Variants in SLC31A1 observed in about 807,000 individuals in gnomAD.
SLC31A1 encodes the protein high affinity copper uptake protein 1.
A neutral mutation model predicts 17.2 loss-of-function variants in SLC31A1; 5 were observed. That is an observed-to-expected ratio of 0.29 (90% CI 0.15 to 0.61). The LOEUF (loss-of-function observed/expected upper bound fraction) is 0.61. SLC31A1 is among the 20% of genes least tolerant of loss of function. SLC31A1 has a pLI of 0.86. For missense variants in SLC31A1, 161 were observed against 241.4 expected (o/e 0.67, Z 2.21); for synonymous variants, 76 against 78.8 (o/e 0.96, Z 0.19).
rs1831271988 is a variant in SLC31A1 at position 113,221,672 on chromosome 9, T to C, written c.-42T>C. ...GAGGTGCTAGTGGCTGGACTTGACC[T>C]GGAAAGGTAAGGCTTCTCTCGGCCC... On this transcript the variant is annotated 5_prime_UTR_variant, in exon 1 of 5. Coordinates refer to ENST00000374212, the MANE Select transcript of SLC31A1 (RefSeq NM_001859.4). 3.2e-6 allele frequency: 1 copy of C among 310,640 alleles called. No homozygotes were observed. Among genetic ancestry groups the C allele is most frequent in the Non-Finnish European group, 6.3e-6 (1 of 158,176 alleles). 19.2% of individuals were successfully genotyped at this position (310,640 alleles called of 1,614,324 possible). A position where few individuals can be genotyped will look rare whatever the true frequency, so the allele number is the denominator to read the frequency against.
At chr9:113,257,036 T>C (rs1411834005) in intron 2 of SLC31A1, 77 bp from the exon 3 acceptor site, 1 of 1,168,168 alleles carries the variant, frequency 8.6e-7, no homozygotes, top group Non-Finnish European at 1.3e-6. Context: ...CTTTTAAATG[T>C]TCTAAGCTTC....
At chr9:113,259,627 C>T (rs10981706) in intron 4 of SLC31A1, among the ~76,000 whole-genome samples, 6,167 of 147,578 alleles carry the variant, frequency 0.042, 176 homozygotes, top group Middle Eastern at 0.08. Flanking sequence ...CTCTATTGCC[C>T]AGGCTGAAGT....
At chr9:113,230,401 G>A (rs1831388938) in intron 1 of SLC31A1, among the ~76,000 whole-genome samples, 1 of 152,106 alleles carries the variant, frequency 6.6e-6, no homozygotes, top group Admixed American at 6.6e-5. Flanking sequence ...GAGACTACAG[G>A]CATGCATCTC....
chr9:113,255,328 T>G (rs1831707814), intron 1 of SLC31A1, among the ~76,000 whole-genome samples: 1 of 152,246 alleles, frequency 6.6e-6, no homozygotes, highest in Non-Finnish European at 1.5e-5. Flanking sequence ...TTGTATCTTA[T>G]TACAGATTGC....
At chr9:113,230,889 C>T (rs1831395222) in intron 1 of SLC31A1, among the ~76,000 whole-genome samples, 4 of 152,138 alleles carry the variant, frequency 2.6e-5, no homozygotes, top group Non-Finnish European at 4.4e-5. Context: ...CCCTCATTCT[C>T]TTTCTAGGTA....
intron 1 of SLC31A1, among the ~76,000 whole-genome samples, chr9:113,254,594 A>G (rs973572767): frequency 6.6e-6 from 1 of 151,930 alleles, no homozygotes; most frequent in Non-Finnish European, 1.5e-5. Flanking sequence ...CTCCAACTCT[A>G]GCTATAGGAG....
At chr9:113,236,887 G>A (rs2118992369) in intron 1 of SLC31A1, among the ~76,000 whole-genome samples, 1 of 152,308 alleles carries the variant, frequency 6.6e-6, no homozygotes, top group South Asian at 2.1e-4. Context: ...CCTTGCCTGG[G>A]AATTATCCAG....
chr9:113,226,041 C>T (rs1478843161), intron 1 of SLC31A1, among the ~76,000 whole-genome samples: 2 of 151,156 alleles, frequency 1.3e-5, no homozygotes, highest in Admixed American at 6.6e-5. Flanking sequence ...GACGGAGGCA[C>T]GAGAATTGCT....
intron 1 of SLC31A1, among the ~76,000 whole-genome samples, chr9:113,249,413 C>T (rs762155563): frequency 3.1e-4 from 46 of 150,750 alleles, no homozygotes; most frequent in Non-Finnish European, 5.9e-4. Flanking sequence ...ATTGCCCAGG[C>T]TGGAGTGCAA....
intron 1 of SLC31A1, among the ~76,000 whole-genome samples, chr9:113,237,323 G>A (rs1029348869): frequency 6.6e-6 from 1 of 152,146 alleles, no homozygotes; most frequent in African/African-American, 2.4e-5. Flanking sequence ...AACTTAATGG[G>A]CAAGGATTTC....
At chr9:113,224,450 C>A (rs1195787721) in intron 1 of SLC31A1, among the ~76,000 whole-genome samples, 1 of 145,908 alleles carries the variant, frequency 6.9e-6, no homozygotes, top group Non-Finnish European at 1.5e-5. Context: ...TTTTTTGAGA[C>A]AGAGTTTCGC....
rs1322192414 is a variant in SLC31A1, at chr9:113,261,165, G to A, written c.*692G>A. 6.5e-6 allele frequency: 1 copy of A among 153,780 alleles called. No homozygotes were observed. The highest frequency in any genetic ancestry group is 2.4e-5 in the African/African-American group (1 of 41,466). 9.5% of individuals were successfully genotyped at this position (153,780 alleles called of 1,614,324 possible). A position where few individuals can be genotyped will look rare whatever the true frequency, so the allele number is the denominator to read the frequency against. On this transcript the variant is annotated 3_prime_UTR_variant, in exon 5 of 5. Coordinates refer to ENST00000374212, the MANE Select transcript of SLC31A1 (RefSeq NM_001859.4). ...TAATCCCAGCTACTCAGAAGGCTGA[G>A]GCAGGAGAATCACTTGAACCTAGGA...
At chr9:113,229,523 A>G (rs770951743) in intron 1 of SLC31A1, among the ~76,000 whole-genome samples, 6 of 152,242 alleles carry the variant, frequency 3.9e-5, no homozygotes, top group African/African-American at 1.4e-4. Context: ...TGAAAATATG[A>G]TAACTCATTT....
At chr9:113,242,145 C>T (rs1470608765) in intron 1 of SLC31A1, among the ~76,000 whole-genome samples, 4 of 151,918 alleles carry the variant, frequency 2.6e-5, no homozygotes, top group African/African-American at 4.8e-5. Flanking sequence ...GCTGAGATCA[C>T]GCCACCGCAC....
At chr9:113,225,713 T>C (rs1831332543) in intron 1 of SLC31A1, among the ~76,000 whole-genome samples, 1 of 152,200 alleles carries the variant, frequency 6.6e-6, no homozygotes, top group African/African-American at 2.4e-5. Flanking sequence ...CCTAAGTCTT[T>C]CTCTACCTCT....
In SLC31A1 at chr9:113,260,269, C is replaced by T; in HGVS notation, c.372-3C>T. The T allele has an allele frequency of 6.2e-7, 1 of 1,613,518 alleles. No homozygotes were observed. Among genetic ancestry groups the T allele is most frequent in the Non-Finnish European group, 8.5e-7 (1 of 1,179,524 alleles). ...GATTGTTGTGTCCCTGTTTACTCTC[C>T]AGGCAACAGATGCTGAGCTTTCCTC... On this transcript the variant is annotated splice_region_variant and splice_polypyrimidine_tract_variant and intron_variant, in intron 4 of 4. Transcript: ENST00000374212.
chr9:113,260,575 G>GCTCGGACA lies in SLC31A1; in HGVS notation c.*103_*104insTCGGACAC. ...ATCATCCCTTCTTGCTCCTCTTTGT[G>GCTCGGACA]CACGTACACACACACACACACACAC... On this transcript the variant is annotated 3_prime_UTR_variant, in exon 5 of 5. Coordinates refer to ENST00000374212, the MANE Select transcript of SLC31A1 (RefSeq NM_001859.4). 1.4e-6 allele frequency: 1 copy of GCTCGGACA among 734,294 alleles called. No individual in the cohort carries two copies. The highest frequency in any genetic ancestry group is 2.2e-6 in the Non-Finnish European group (1 of 448,536). The allele number at this position is 734,294 out of a possible 1,614,324, so 45.5% of individuals were successfully genotyped here. A position where few individuals can be genotyped will look rare whatever the true frequency, so the allele number is the denominator to read the frequency against.
chr9:113,241,484 A>G (rs1357916286), intron 1 of SLC31A1, among the ~76,000 whole-genome samples: 1 of 152,184 alleles, frequency 6.6e-6, no homozygotes, highest in Non-Finnish European at 1.5e-5. Flanking sequence ...TTGCCTGACA[A>G]GTCCCCAGAG....
At chr9:113,231,505 A>G (rs1831402670) in intron 1 of SLC31A1, among the ~76,000 whole-genome samples, 1 of 151,896 alleles carries the variant, frequency 6.6e-6, no homozygotes, top group Non-Finnish European at 1.5e-5. Flanking sequence ...TGTAGGCCGC[A>G]GTGAGCTGTA....
Sources: gnomAD v4.1 joint callset for allele counts (sites outside exome capture counted in the v4.1 genomes callset) on GRCh38, gnomAD v4.1.1 for gene constraint, MANE v1.5 for transcripts, NCBI Gene and HGNC (gene_info 2026-07-23, HGNC 2026-07-21) for gene names.